Variants in NT5DC4 observed in about 807,000 individuals in gnomAD.
NT5DC4 encodes the protein 5'-nucleotidase domain-containing protein 4.
NT5DC4 carries 44 observed loss-of-function variants against 26.6 expected under a neutral mutation model. That is an observed-to-expected ratio of 1.65 (90% CI 1.30 to 2.13). The LOEUF is 2.13. NT5DC4 is among the 30% of genes most tolerant of loss of function. The pLI, the probability that NT5DC4 is intolerant of heterozygous loss-of-function variation, is 0.00. For synonymous variants in NT5DC4, 157 were observed against 86.7 expected (o/e 1.81, Z -4.51); for missense variants, 399 against 228.1 (o/e 1.75, Z -4.83).
chr2:112,721,919 G>A (rs756397197), intron 2 of NT5DC4, 28 bp downstream of exon 2: 77 of 717,378 alleles, frequency 1.1e-4, no homozygotes, highest in Non-Finnish European at 2.9e-5. Context: ...ACAGCGTATT[G>A]GGAGCTGGAG....
At chr2:112,726,153 C>T (rs58589239) in intron 13 of NT5DC4, 85 bp from the exon 14 acceptor site, 1 of 711,174 alleles carries the variant, frequency 1.4e-6, no homozygotes, top group Non-Finnish European at 2.6e-6. Flanking sequence ...AAGTCCTCCG[C>T]TGGGCCAGGG....
chr2:112,730,310 CAAAAAA>C (rs11375761), intron 16 of NT5DC4, among the ~76,000 whole-genome samples: 1 of 76,192 alleles, frequency 1.3e-5, no homozygotes, highest in African/African-American at 5.4e-5. Context: ...AAGACTGTCT[CAAAAAA>C]AAAAAAAAAA....
intron 16 of NT5DC4, among the ~76,000 whole-genome samples, chr2:112,732,523 T>A (rs1678609043): frequency 6.6e-6 from 1 of 152,182 alleles, no homozygotes; most frequent in Admixed American, 6.5e-5. Context: ...TTTAAACGCT[T>A]GATTCTTAGT....
At chr2:112,726,587 C>T (rs900892411) in intron 14 of NT5DC4, 91 bp from the exon 15 acceptor site, 1 of 712,944 alleles carries the variant, frequency 1.4e-6, no homozygotes, top group Non-Finnish European at 2.6e-6. Context: ...ACGGTGTCCC[C>T]CCACCCGACC....
intron 10 of NT5DC4, chr2:112,724,446 G>T: frequency 1.7e-6 from 1 of 573,362 alleles, no homozygotes; most frequent in South Asian, 2.1e-5. Context: ...TGGGCACTGG[G>T]AGTGACCAGG....
At chr2:112,742,437 C>T (rs761304421), downstream of NT5DC4, 9 of 717,570 alleles carry the variant, frequency 1.3e-5, 1 homozygote, top group Admixed American at 1.4e-4. Context: ...AGCTGTTTGT[C>T]TTCTGCCATC....
At chr2:112,719,313 A>C (rs1296661161), upstream of NT5DC4, among the ~76,000 whole-genome samples, 2 of 152,322 alleles carry the variant, frequency 1.3e-5, no homozygotes, top group African/African-American at 4.8e-5. Flanking sequence ...TCCGCAGCAC[A>C]CAACTGTGCT....
intron 16 of NT5DC4, among the ~76,000 whole-genome samples, chr2:112,732,222 A>T (rs970623351): frequency 7.3e-5 from 11 of 150,874 alleles, no homozygotes; most frequent in South Asian, 2.1e-4. Flanking sequence ...TTTTTTTTTT[A>T]AAACATCTTC....
chr2:112,730,354 C>T (rs572754785), intron 16 of NT5DC4, among the ~76,000 whole-genome samples: 1 of 145,540 alleles, frequency 6.9e-6, no homozygotes, highest in South Asian at 2.2e-4. Flanking sequence ...TCCAAAAGGG[C>T]GACAGGTTCT....
In NT5DC4 at chr2:112,724,130, A is replaced by C. The variant is rs567919725; in HGVS notation, c.789+4A>C. 1 of 716,740 alleles carries C rather than the reference A, an allele frequency of 1.4e-6. No individual in the cohort carries two copies. The highest frequency in any genetic ancestry group is 2.7e-5 in the East Asian group (1 of 37,180). The allele number at this position is 716,740 out of a possible 1,614,324, so 44.4% of individuals were successfully genotyped here. A position where few individuals can be genotyped will look rare whatever the true frequency, so the allele number is the denominator to read the frequency against. Reference sequence around the variant, plus strand: ...CTACCTGTTCAGCATCAGTGAGGTGAGTGTTGGAGTGTTGCGTGCACGGCT... The same window carrying C: ...CTACCTGTTCAGCATCAGTGAGGTGCGTGTTGGAGTGTTGCGTGCACGGCT... On this transcript the variant is annotated splice_donor_region_variant and intron_variant, in intron 10 of 16. Transcript: ENST00000688554.
At chr2:112,719,982 C>CT (rs1676735535), upstream of NT5DC4, among the ~76,000 whole-genome samples, 260 of 79,188 alleles carry the variant, frequency 3.3e-3, 1 homozygote, top group Middle Eastern at 0.019. Context: ...TTCTTTCTTT[C>CT]TTTCTTTTTC....
downstream of NT5DC4, chr2:112,740,988 T>C (rs754686161): frequency 6.2e-7 from 1 of 1,612,636 alleles, no homozygotes; most frequent in Non-Finnish European, 8.5e-7. Context: ...TTTCAGCAAC[T>C]AAAGAGTCAG....
rs531358461 is a variant in NT5DC4, at chr2:112,721,106, G to A, written c.27G>A (p.Pro9=). Among the ~76,000 whole-genome samples the A allele has an allele frequency of 8.5e-5, 13 of 152,176 alleles. No homozygotes were observed. Among genetic ancestry groups the A allele is most frequent in the Admixed American group, 2.6e-4 (4 of 15,296 alleles). The change falls in exon 1 of 17, where the codon CCG becomes CCA. Residue 9 remains proline (P), a synonymous_variant. Coordinates refer to ENST00000688554, the MANE Select transcript of NT5DC4 (RefSeq NM_001393655.1). ...TGGCCAGTGTAGACTGGAGAGAGCC[G>A]GAGGGACTGGTCTCCCCTCAAGGCC... The part of the protein sequence containing the change: MASVDWRE[P]EGLVSPQGPK...
intron 16 of NT5DC4, 29 bp from the exon 17 acceptor site, chr2:112,738,884 A>G (rs1370261647): frequency 6.2e-7 from 1 of 1,614,118 alleles, no homozygotes; most frequent in South Asian, 1.1e-5. Context: ...ACGGAATATA[A>G]AACATTTTGT....
chr2:112,724,911 G>T lies in NT5DC4; in HGVS notation c.915+5G>T. The stretch of plus-strand genomic sequence containing the variant: ...ACGGTAATGGCAGGTGCAGAGGTCA[G>T]TCCACCTGCACCCATGGACCACGGT... On this transcript the variant is annotated splice_donor_5th_base_variant and intron_variant, in intron 11 of 16. Transcript: ENST00000688554. 1 of 716,744 alleles carries T rather than the reference G, an allele frequency of 1.4e-6. No individual in the cohort carries two copies. Among genetic ancestry groups the T allele is most frequent in the Non-Finnish European group, 2.6e-6 (1 of 384,992 alleles). The allele number at this position is 716,744 out of a possible 1,614,324, so 44.4% of individuals were successfully genotyped here.
At chr2:112,727,060 G>A in intron 15 of NT5DC4, 1 of 380,180 alleles carries the variant, frequency 2.6e-6, no homozygotes. Flanking sequence ...AGCCAGTTCT[G>A]ATAGGAAATG....
In NT5DC4 at chr2:112,722,073, G is replaced by A. The variant is rs989581886; in HGVS notation, c.236G>A (p.Arg79His). Residue 79 changes from arginine to histidine, a missense_variant, in exon 3 of 17, where the codon CGC (arginine) becomes CAC (histidine). By Grantham distance (29) the Arg-to-His change is conservative. Coordinates refer to ENST00000688554, the MANE Select transcript of NT5DC4 (RefSeq NM_001393655.1). ...VCIGYPHEIL[R>H]YTYDPTFPTR... ...ATTGGGTACCCGCATGAGATCCTGC[G>A]CTACACCTACGACCCCACCTTCCCC... 3 of 716,962 alleles carry A rather than the reference G, an allele frequency of 4.2e-6. 1 individual carries two copies. The highest frequency in any genetic ancestry group is 7.8e-6 in the Non-Finnish European group (3 of 385,114). The allele number at this position is 716,962 out of a possible 1,614,324, so 44.4% of individuals were successfully genotyped here.
In NT5DC4 at chr2:112,723,756, T is replaced by C. The variant is rs1267322920; in HGVS notation, c.710T>C (p.Val237Ala). The C allele has an allele frequency of 1.4e-6, 1 of 716,978 alleles. No individual in the cohort carries two copies. Among genetic ancestry groups the C allele is most frequent in the East Asian group, 2.7e-5 (1 of 37,260 alleles). 44.4% of individuals were successfully genotyped at this position (716,978 alleles called of 1,614,324 possible). Residue 237 changes from valine (V) to alanine (A), a missense_variant, in exon 9 of 17, where the codon GTT becomes GCT. Coordinates refer to ENST00000688554, the MANE Select transcript of NT5DC4 (RefSeq NM_001393655.1). ...ATCCTGCTGGGGAAGATGAAGGAGGTTGGGAAAGTGTTTCTGGCCACCAAC... is the reference window on the plus strand; with the variant it reads ...ATCCTGCTGGGGAAGATGAAGGAGGCTGGGAAAGTGTTTCTGGCCACCAAC... ...LPILLGKMKEVGKVFLATNSS... is the reference protein window; with the variant it reads ...LPILLGKMKEAGKVFLATNSS...
At chr2:112,725,079 G>T (rs1039378154) in intron 11 of NT5DC4, 95 bp from the exon 12 acceptor site, 2 of 657,946 alleles carry the variant, frequency 3.0e-6, no homozygotes, top group African/African-American at 1.8e-5. Context: ...ACCCCCCATG[G>T]TTACCTCTGC....
Sources: gnomAD v4.1 joint callset for allele counts (sites outside exome capture counted in the v4.1 genomes callset) on GRCh38, gnomAD v4.1.1 for gene constraint, MANE v1.5 for transcripts, NCBI Gene and HGNC (gene_info 2026-07-23, HGNC 2026-07-21) for gene names.